Variants in KCNMA1 observed in about 807,000 individuals in gnomAD.
KCNMA1 encodes Calcium-activated potassium channel subunit alpha-1.
In KCNMA1, 29 loss-of-function variants were observed where a neutral mutation model predicts 140.0. That is an observed-to-expected ratio of 0.21 (90% CI 0.15 to 0.28). KCNMA1 has a LOEUF of 0.28. Among genes scored for constraint, KCNMA1 ranks in the 10% least tolerant of loss-of-function variants. The pLI, the probability that KCNMA1 is intolerant of heterozygous loss-of-function variation, is 1.00. For missense variants in KCNMA1, 880 were observed against 1,602.2 expected (o/e 0.55, Z 7.70); for synonymous variants, 612 against 611.9 (o/e 1.00, Z 0.00).
intron 2 of KCNMA1, 147 bp from the exon 3 acceptor site, chr10:77,251,403 C>G (rs1325089911): frequency 5.6e-6 from 4 of 712,012 alleles, no homozygotes; most frequent in Admixed American, 4.0e-5. Context: ...CCCAGCCCCC[C>G]ATTACTGCTT....
intron 2 of KCNMA1, among the ~76,000 whole-genome samples, chr10:77,324,971 C>CTG (rs144907110): frequency 0.015 from 1,347 of 90,396 alleles, 20 homozygotes; most frequent in Non-Finnish European, 0.021. Flanking sequence ...CTCTCTCTCT[C>CTG]TGTGTGTGTG....
At chr10:77,113,256 A>G (rs903374492) in intron 6 of KCNMA1, among the ~76,000 whole-genome samples, 1 of 152,182 alleles carries the variant, frequency 6.6e-6, no homozygotes, top group East Asian at 1.9e-4. Flanking sequence ...CATCATGTAC[A>G]GGAATAGATA....
At chr10:77,068,568 C>T (rs572262795) in intron 14 of KCNMA1, among the ~76,000 whole-genome samples, 80 of 151,852 alleles carry the variant, frequency 5.3e-4, no homozygotes, top group African/African-American at 1.9e-3. Flanking sequence ...ACATTTCACC[C>T]GCAAATTCCA....
intron 9 of KCNMA1, chr10:77,091,658 G>C (rs1305019829): frequency 6.6e-6 from 1 of 152,282 alleles, no homozygotes; most frequent in Non-Finnish European, 1.5e-5. Context: ...GACTTGGGCA[G>C]GTGGTGAACA....
chr10:77,636,453 A>G (rs1335916321), intron 1 of KCNMA1: 1 of 1,536,202 alleles, frequency 6.5e-7, no homozygotes, highest in East Asian at 2.4e-5. Context: ...CCGCGGCCTC[A>G]GGCGGACTCC....
In KCNMA1 at chr10:77,541,165, TCA is replaced by T. The variant is rs921137084; in HGVS notation, c.378+96098_378+96099del. Reference sequence around the variant, plus strand: ...CCCAAAATAAAACAGCAGAAAAAACTCACATATTGTATCAGTGAGTATATTAA... The same window carrying T: ...CCCAAAATAAAACAGCAGAAAAAACTCATATTGTATCAGTGAGTATATTAA... On this transcript the variant is annotated intron_variant, in intron 1 of 27. Transcript: ENST00000286628. 6.1e-3 allele frequency among the ~76,000 whole-genome samples: 933 copies of T among 152,016 alleles called. 8 individuals are homozygous for T. Among genetic ancestry groups the T allele is most frequent in the African/African-American group, 0.022 (909 of 41,462 alleles).
intron 1 of KCNMA1, 63 bp from the exon 2 acceptor site, chr10:77,404,086 C>A: frequency 6.4e-7 from 1 of 1,559,902 alleles, no homozygotes; most frequent in Non-Finnish European, 8.8e-7. Context: ...ACATGCTCTA[C>A]CCATAAAGAA....
intron 19 of KCNMA1, among the ~76,000 whole-genome samples, chr10:76,981,084 G>A (rs2079278761): frequency 6.6e-6 from 1 of 152,146 alleles, no homozygotes. Context: ...AAGAGTCAGA[G>A]CAATGAGAGT....
At chr10:77,518,474 T>C (rs972305553) in intron 1 of KCNMA1, among the ~76,000 whole-genome samples, 1 of 152,164 alleles carries the variant, frequency 6.6e-6, no homozygotes, top group African/African-American at 2.4e-5. Context: ...AAGTGATACA[T>C]GAAGTCATGA....
intron 9 of KCNMA1, among the ~76,000 whole-genome samples, chr10:77,102,217 G>A (rs929281983): frequency 1.3e-5 from 2 of 152,176 alleles, no homozygotes; most frequent in African/African-American, 4.8e-5. Flanking sequence ...GATTAAATGA[G>A]TCTTTGTAAA....
chr10:77,080,026 A>C (rs770518524), intron 12 of KCNMA1, among the ~76,000 whole-genome samples: 3 of 152,142 alleles, frequency 2.0e-5, no homozygotes, highest in Non-Finnish European at 4.4e-5. Flanking sequence ...CACTACATAC[A>C]ATTTGGGGAA....
At chr10:77,627,983 C>T (rs767906040) in intron 1 of KCNMA1, among the ~76,000 whole-genome samples, 18 of 152,270 alleles carry the variant, frequency 1.2e-4, no homozygotes, top group South Asian at 2.1e-4. Flanking sequence ...ACCTGAAGCC[C>T]CCAGCCAGCA....
chr10:77,095,386 C>T (rs1179813759), intron 9 of KCNMA1, among the ~76,000 whole-genome samples: 2 of 152,134 alleles, frequency 1.3e-5, no homozygotes, highest in Non-Finnish European at 2.9e-5. Context: ...AAAAGATCCA[C>T]CTCAGAAACA....
At chr10:76,962,488 T>C (rs2071981868) in intron 20 of KCNMA1, among the ~76,000 whole-genome samples, 1 of 152,166 alleles carries the variant, frequency 6.6e-6, no homozygotes, top group African/African-American at 2.4e-5. Flanking sequence ...AGACCTTTTA[T>C]CCGAGCTGCA....
intron 5 of KCNMA1, among the ~76,000 whole-genome samples, chr10:77,181,258 G>A (rs1281583375): frequency 2.0e-5 from 3 of 152,180 alleles, no homozygotes; most frequent in East Asian, 1.9e-4. Context: ...TTGTTCGAGT[G>A]CACAGGGTAA....
chr10:77,358,867 G>A (rs189274468), intron 2 of KCNMA1, among the ~76,000 whole-genome samples: 87 of 152,192 alleles, frequency 5.7e-4, no homozygotes, highest in African/African-American at 1.8e-3. Context: ...CTTTGTCTTC[G>A]GATCCTGCCA....
At chr10:77,331,615 C>A (rs2154365979) in intron 2 of KCNMA1, among the ~76,000 whole-genome samples, 1 of 150,114 alleles carries the variant, frequency 6.7e-6, no homozygotes, top group South Asian at 2.1e-4. Flanking sequence ...CCCAGGAGTT[C>A]AAGACCAGCA....
chr10:77,494,466 G>C (rs939996532), intron 1 of KCNMA1, among the ~76,000 whole-genome samples: 1 of 152,204 alleles, frequency 6.6e-6, no homozygotes, highest in Non-Finnish European at 1.5e-5. Flanking sequence ...ACGGGCACAT[G>C]GGGATGAAAA....
chr10:76,995,185 TC>T (rs2153368553), intron 19 of KCNMA1: 1 of 164,266 alleles, frequency 6.1e-6, no homozygotes, highest in East Asian at 1.7e-4. Flanking sequence ...AAAAGCGTCT[TC>T]CCAGAGGCCC....
Sources: gnomAD v4.1 joint callset for allele counts (sites outside exome capture counted in the v4.1 genomes callset) on GRCh38, gnomAD v4.1.1 for gene constraint, MANE v1.5 for transcripts, NCBI Gene and HGNC (gene_info 2026-07-23, HGNC 2026-07-21) for gene names.